The following SMTNL1 variants were observed in gnomAD, a reference collection of about 807,000 sequenced individuals.
The protein encoded by SMTNL1 is smoothelin like 1.
Under a neutral mutation model 46.6 loss-of-function variants are expected in SMTNL1, and 41 were observed. The ratio of observed to expected loss-of-function variants is 0.88; its 90% CI spans 0.69 to 1.14. The LOEUF (loss-of-function observed/expected upper bound fraction) is 1.14, where lower values mean the gene tolerates loss of function less well. SMTNL1 is among the 50% of genes most tolerant of loss of function. The pLI, the probability that SMTNL1 is intolerant of heterozygous loss-of-function variation, is 0.00. For synonymous variants in SMTNL1, 234 were observed against 234.2 expected (o/e 1.00, Z 0.01); for missense variants, 591 against 626.1 (o/e 0.94, Z 0.60).
chr11:57,545,237 T>A (rs775676045), intron 4 of SMTNL1, among the ~76,000 whole-genome samples: 5 of 152,182 alleles, frequency 3.3e-5, no homozygotes, highest in Non-Finnish European at 5.9e-5. Flanking sequence ...AGGTAGGTAT[T>A]CTTGTCCTCA....
At chr11:57,548,965 A>ATGCT (rs1944939761) in intron 7 of SMTNL1, among the ~76,000 whole-genome samples, 1 of 151,728 alleles carries the variant, frequency 6.6e-6, no homozygotes, top group Non-Finnish European at 1.5e-5. Flanking sequence ...GCTCCTGGAG[A>ATGCT]TGCTGCAGCT....
intron 1 of SMTNL1, among the ~76,000 whole-genome samples, chr11:57,538,158 C>G (rs1188024511): frequency 6.6e-6 from 1 of 152,120 alleles, no homozygotes; most frequent in Non-Finnish European, 1.5e-5. Context: ...ATTGGATACC[C>G]CTAGTCTAAG....
At position 57,546,343 on chromosome 11, in the gene SMTNL1, AC is replaced by A. The variant is rs1169051145; in HGVS notation, c.1185del (p.Tyr395Ter). On this transcript the variant is annotated frameshift_variant, in exon 6 of 8. Coordinates refer to ENST00000527972, the MANE Select transcript of SMTNL1 (RefSeq NM_001105565.3). LOFTEE classifies it high-confidence loss of function. ...LEWCRAMTKKYEHVDIQNFSS... is the reference protein window; with the variant it reads ...LEWCRAMTKKXEHVDIQNFSS... Reference sequence around the variant, plus strand: ...TGGTGCCGAGCCATGACAAAAAAATACGAGGTGGGCATGGGGCAGAGCTGCG... The same window carrying A: ...TGGTGCCGAGCCATGACAAAAAAATAGAGGTGGGCATGGGGCAGAGCTGCG... The A allele has an allele frequency of 6.4e-7, 1 of 1,563,680 alleles. No individual in the cohort carries two copies. The highest frequency in any genetic ancestry group is 1.4e-5 in the African/African-American group (1 of 71,382).
Position 57,542,775 on chromosome 11 carries a change from G to A in SMTNL1, c.133G>A (p.Gly45Arg). Residue 45 changes from glycine to arginine, a missense_variant, in exon 2 of 8, where the codon GGG becomes AGG. Gly to Arg is a moderately radical substitution (Grantham distance 125, BLOSUM62 -2). Transcript: ENST00000527972. Reference sequence around the variant, plus strand: ...CACAGCTGGAAAGGCCATCAATGAGGGGCCTCCCACTGAGTCAGGAAAGCA... The same window carrying A: ...CACAGCTGGAAAGGCCATCAATGAGAGGCCTCCCACTGAGTCAGGAAAGCA... ...KGTAGKAINE[G>R]PPTESGKQEK... 3 of 1,613,972 alleles carry A rather than the reference G, an allele frequency of 1.9e-6. No homozygotes were observed. The highest frequency in any genetic ancestry group is 1.6e-4 in the Middle Eastern group (1 of 6,062).
Position 57,546,306 on chromosome 11 carries a change from A to T in SMTNL1, c.1147A>T (p.Met383Leu). 6.2e-7 allele frequency: 1 copy of T among 1,611,476 alleles called. No homozygotes were observed. The highest frequency in any genetic ancestry group is 1.1e-5 in the South Asian group (1 of 90,566). Reference protein sequence around the residue: ...AGAAIGGVKNMLLEWCRAMTK... With the variant: ...AGAAIGGVKNLLLEWCRAMTK... ...GGCAGCCATTGGTGGTGTCAAGAACATGCTCTTGGAGTGGTGCCGAGCCAT... is the reference window on the plus strand; with the variant it reads ...GGCAGCCATTGGTGGTGTCAAGAACTTGCTCTTGGAGTGGTGCCGAGCCAT... The change falls in exon 6 of 8, where the codon ATG becomes TTG. Residue 383 changes from methionine (M) to leucine (L), a missense_variant. Met to Leu is a conservative substitution (Grantham distance 15). Transcript: ENST00000527972.
Position 57,543,718 on chromosome 11 carries a change from C to G in SMTNL1, c.827C>G (p.Pro276Arg). 6.4e-7 allele frequency: 1 copy of G among 1,571,634 alleles called. No individual in the cohort carries two copies. Among genetic ancestry groups the G allele is most frequent in the Non-Finnish European group, 8.6e-7 (1 of 1,158,510 alleles). ...ATTCCCAGCTCCCCAGAGGAGTGGCCTGAGAGCCCCACTGGGGAGGGGCAC... is the reference window on the plus strand; with the variant it reads ...ATTCCCAGCTCCCCAGAGGAGTGGCGTGAGAGCCCCACTGGGGAGGGGCAC... ...GVIPSSPEEW[P>R]ESPTGEGHNL... Residue 276 changes from proline (P) to arginine (R), a missense_variant, in exon 3 of 8, where the codon CCT becomes CGT. Coordinates refer to ENST00000527972, the MANE Select transcript of SMTNL1 (RefSeq NM_001105565.3).
intron 3 of SMTNL1, 52 bp from the exon 4 acceptor site, chr11:57,543,817 A>C: frequency 7.7e-6 from 12 of 1,562,468 alleles, no homozygotes; most frequent in Middle Eastern, 1.7e-4. Context: ...GGGGCGCAAG[A>C]AGCATGCCAT....
chr11:57,545,849 T>G (rs747046643), intron 4 of SMTNL1, 32 bp from the exon 5 acceptor site: 237 of 1,578,478 alleles, frequency 1.5e-4, no homozygotes, highest in Middle Eastern at 1.8e-4. Context: ...GGTCCCAGCC[T>G]CTCTCACACG....
intron 1 of SMTNL1, chr11:57,541,562 G>C (rs779912462): frequency 7.3e-7 from 1 of 1,366,834 alleles, no homozygotes. Flanking sequence ...GGGAGAGTAC[G>C]GCTCCATTCT....
intron 1 of SMTNL1, among the ~76,000 whole-genome samples, chr11:57,538,074 G>A (rs1367101161): frequency 2.7e-5 from 4 of 150,302 alleles, no homozygotes; most frequent in African/African-American, 4.9e-5. Flanking sequence ...ATCCACTATC[G>A]TTAGTGTTAA....
Position 57,546,216 on chromosome 11 carries a change from C to T in SMTNL1, c.1074-17C>T. 2.5e-6 allele frequency: 4 copies of T among 1,577,000 alleles called. No individual in the cohort carries two copies. Among genetic ancestry groups the T allele is most frequent in the South Asian group, 2.3e-5 (2 of 86,168 alleles). On this transcript the variant is annotated splice_polypyrimidine_tract_variant and intron_variant, in intron 5 of 7. Coordinates refer to ENST00000527972, the MANE Select transcript of SMTNL1 (RefSeq NM_001105565.3). ...CCTGCCTCTCTGGCTTGGCCTTGCA[C>T]CCCTCTCCCCTCACAGGGCAGCTTC...
chr11:57,547,656 C>G (rs1469399797), intron 7 of SMTNL1, among the ~76,000 whole-genome samples: 1 of 152,238 alleles, frequency 6.6e-6, no homozygotes, highest in Non-Finnish European at 1.5e-5. Context: ...AATGCCGAAG[C>G]CCCCAGTGGC....
intron 7 of SMTNL1, among the ~76,000 whole-genome samples, chr11:57,547,622 C>G (rs541490088): frequency 6.6e-6 from 1 of 152,248 alleles, no homozygotes; most frequent in East Asian, 1.9e-4. Context: ...CCATGGAGTC[C>G]GGGGATGAGG....
At chr11:57,544,434 A>T (rs1944906621) in intron 4 of SMTNL1, among the ~76,000 whole-genome samples, 1 of 152,210 alleles carries the variant, frequency 6.6e-6, no homozygotes, top group Non-Finnish European at 1.5e-5. Flanking sequence ...AGCACGAAGG[A>T]TACCTGGTCC....
chr11:57,546,505 T>C lies in SMTNL1; in HGVS notation c.1193T>C (p.Val398Ala). The C allele has an allele frequency of 6.2e-7, 1 of 1,614,158 alleles. No individual in the cohort carries two copies. The highest frequency in any genetic ancestry group is 8.5e-7 in the Non-Finnish European group (1 of 1,180,004). Residue 398 changes from valine to alanine, a missense_variant, in exon 7 of 8, where the codon GTG (valine) becomes GCG (alanine). Coordinates refer to ENST00000527972, the MANE Select transcript of SMTNL1 (RefSeq NM_001105565.3). ...CRAMTKKYEH[V>A]DIQNFSSSWS... is the part of the protein sequence containing the mutation. ...TCTGTGCCCTGCCTGCCATAGCATGTGGACATCCAGAACTTCTCCTCCAGC... is the reference window on the plus strand; with the variant it reads ...TCTGTGCCCTGCCTGCCATAGCATGCGGACATCCAGAACTTCTCCTCCAGC...
At position 57,545,929 on chromosome 11, in the gene SMTNL1, C is replaced by T. The variant is rs747152631; in HGVS notation, c.966C>T (p.Ser322=). 30 of 1,613,622 alleles carry T rather than the reference C, an allele frequency of 1.9e-5. No individual in the cohort carries two copies. The highest frequency in any genetic ancestry group is 2.5e-5 in the Non-Finnish European group (29 of 1,179,794). Residue 322 remains serine, a synonymous_variant, in exon 5 of 8, where the codon TCC becomes TCT. Coordinates refer to ENST00000527972, the MANE Select transcript of SMTNL1 (RefSeq NM_001105565.3). ...DVPQSPPESP[S]SGEKKEKAPE... ...CCCAGAGTCCCCCTGAGTCCCCTTC[C>T]TCAGGGGAGAAGAAGGAGAAGGCAC... is the stretch of plus-strand genomic sequence containing the variant.
rs747904672 is a variant in SMTNL1 at position 57,550,068 on chromosome 11, C to T, written c.1441C>T (p.Arg481Cys). The change falls in exon 8 of 8, where the codon CGC becomes TGC. Residue 481 changes from arginine (R) to cysteine (C), a missense_variant. Coordinates refer to ENST00000527972, the MANE Select transcript of SMTNL1 (RefSeq NM_001105565.3). ...CVYTYIQELY[R>C]SLVQKGLVKT... is the part of the protein sequence containing the mutation. ...CTACACATACATCCAGGAACTGTAC[C>T]GCAGCCTTGTGCAGAAAGGACTGGT... 8.1e-6 allele frequency: 13 copies of T among 1,613,636 alleles called. No homozygotes were observed. Among genetic ancestry groups the T allele is most frequent in the African/African-American group, 8.0e-5 (6 of 74,870 alleles).
At chr11:57,538,473 G>A (rs1453996007) in intron 1 of SMTNL1, among the ~76,000 whole-genome samples, 2 of 152,224 alleles carry the variant, frequency 1.3e-5, no homozygotes, top group Non-Finnish European at 2.9e-5. Flanking sequence ...AGAAAGGAAG[G>A]TGGGGGCAGA....
chr11:57,547,031 G>A (rs1311815939), intron 7 of SMTNL1, among the ~76,000 whole-genome samples: 1 of 152,156 alleles, frequency 6.6e-6, no homozygotes, highest in Non-Finnish European at 1.5e-5. Context: ...CTATTCGGGA[G>A]GCTGAGATGG....
Sources: allele counts gnomAD v4.1 joint callset (sites outside exome capture counted in the v4.1 genomes callset), GRCh38; gene constraint gnomAD v4.1.1; transcripts MANE v1.5; gene names NCBI Gene and HGNC (gene_info 2026-07-23, HGNC 2026-07-21).